The following SEPTIN6 variants were observed in gnomAD, a reference collection of about 807,000 sequenced individuals.
SEPTIN6 encodes the protein septin-6.
SEPTIN6 carries 8 observed loss-of-function variants against 33.6 expected under a neutral mutation model. That is an observed-to-expected ratio of 0.24 (90% CI 0.14 to 0.43). The LOEUF is 0.43. Among genes scored for constraint, SEPTIN6 ranks in the 20% least tolerant of loss-of-function variants. The pLI is 1.00. For missense variants in SEPTIN6, 250 were observed against 340.8 expected (o/e 0.73, Z 2.10); for synonymous variants, 131 against 140.0 (o/e 0.94, Z 0.45).
chrX:119,651,131 C>G (rs1184183015), intron 4 of SEPTIN6, among the ~76,000 whole-genome samples: 2 of 111,068 alleles, frequency 1.8e-5, no homozygotes, highest in African/African-American at 6.5e-5. Flanking sequence ...ACTCAGGCCC[C>G]GGACTCTAAA....
Position 119,619,815 on chromosome X carries a change from G to A in SEPTIN6, c.*278C>T. Reference sequence around the variant, plus strand: ...GTGGGGGAAGACAGGGGGGATGGCTGGGGGTGCTGGGAGGGGGACTGGGAT... The same window carrying A: ...GTGGGGGAAGACAGGGGGGATGGCTAGGGGTGCTGGGAGGGGGACTGGGAT... On this transcript the variant is annotated 3_prime_UTR_variant, in exon 11 of 11. Coordinates refer to ENST00000394610, the MANE Select transcript of SEPTIN6 (RefSeq NM_145799.4). 9.6e-7 allele frequency: 1 copy of A among 1,041,370 alleles called. No individual in the cohort carries two copies. The allele number at this position is 1,041,370 out of a possible 1,213,427, so 85.8% of individuals were successfully genotyped here. A position where few individuals can be genotyped will look rare whatever the true frequency, so the allele number is the denominator to read the frequency against.
intron 7 of SEPTIN6, among the ~76,000 whole-genome samples, chrX:119,636,805 G>A (rs1047977999): frequency 4.4e-4 from 49 of 111,094 alleles, no homozygotes; most frequent in African/African-American, 1.3e-3. Context: ...AAAGCAAGGC[G>A]GCGGTACTTC....
chrX:119,616,778 A>G (rs183794670), downstream of SEPTIN6: 440 of 1,149,868 alleles, frequency 3.8e-4, 2 homozygotes, highest in African/African-American at 6.8e-3. Flanking sequence ...AAAACATGAA[A>G]TTAGCCAAAG....
Position 119,617,404 on chromosome X carries a change from C to CTTTG in SEPTIN6, c.*2688_*2689insCAAA, listed in dbSNP as rs917680246. The CTTTG allele has an allele frequency of 6.2e-6, 5 of 801,753 alleles. No homozygotes were observed. The African/African-American group carries it at 1.1e-4, about 18-fold the overall frequency. 66.1% of individuals were successfully genotyped at this position (801,753 alleles called of 1,213,427 possible). A position where few individuals can be genotyped will look rare whatever the true frequency, so the allele number is the denominator to read the frequency against. On this transcript the variant is annotated 3_prime_UTR_variant, in exon 11 of 11. Transcript: ENST00000394610. ...TTCACTCATGGGTTCGATTTTTGTT[C>CTTTG]ACCAAACTTCCCTGATTATAAGGGT...
At chrX:119,646,863 C>T (rs753934901) in intron 5 of SEPTIN6, 2 of 217,941 alleles carry the variant, frequency 9.2e-6, no homozygotes, top group Admixed American at 4.2e-5. Flanking sequence ...TCATACACCA[C>T]GGCTTGTGTG....
chrX:119,620,787 A>G (rs2053743459), intron 10 of SEPTIN6, among the ~76,000 whole-genome samples: 1 of 108,339 alleles, frequency 9.2e-6, no homozygotes, highest in South Asian at 3.9e-4. Flanking sequence ...CGCTCGGCTA[A>G]TTTTTGTATT....
At chrX:119,693,010 G>A (rs947144473) in intron 1 of SEPTIN6, 66 bp downstream of exon 1, 195 of 1,099,695 alleles carry the variant, frequency 1.8e-4, no homozygotes, top group Admixed American at 5.7e-4. Context: ...TGGCGGCGGC[G>A]GCCAGGTCTC....
intron 5 of SEPTIN6, among the ~76,000 whole-genome samples, chrX:119,647,969 T>TTTTTTTTTTTTTTTTTTTTTTTTTTTGAG (rs2054293290): frequency 9.7e-6 from 1 of 103,142 alleles, no homozygotes; most frequent in African/African-American, 3.9e-5. Flanking sequence ...TAATTTTTTT[T>TTTTTTTTTTTTTTTTTTTTTTTTTTTGAG]AAATTTCAGT....
rs192678957 is a variant in SEPTIN6, at chrX:119,669,348, G to A, written c.146-5671C>T. 7.0e-4 allele frequency among the ~76,000 whole-genome samples: 79 copies of A among 112,968 alleles called. 1 individual carries two copies. Among genetic ancestry groups the A allele is most frequent in the Admixed American group, 1.8e-3 (19 of 10,691 alleles). ...AATGAACAAGATAGCCACAATCCCT[G>A]TTCTTGTGGACCTAAAGTCTCTTCC... is the stretch of plus-strand genomic sequence containing the variant. On this transcript the variant is annotated intron_variant, in intron 2 of 10. Coordinates refer to ENST00000394610, the MANE Select transcript of SEPTIN6 (RefSeq NM_145799.4).
chrX:119,652,329 C>T (rs2054364461), intron 4 of SEPTIN6, among the ~76,000 whole-genome samples: 1 of 111,585 alleles, frequency 9.0e-6, no homozygotes, highest in Admixed American at 9.6e-5. Context: ...AGAATCTGCA[C>T]TCTACCAGTA....
intron 3 of SEPTIN6, among the ~76,000 whole-genome samples, chrX:119,654,491 G>T (rs770449210): frequency 9.0e-6 from 1 of 111,588 alleles, no homozygotes; most frequent in African/African-American, 3.3e-5. Context: ...ACCGCTGCCA[G>T]AAGGGAACAT....
chrX:119,651,083 T>C (rs1012138705), intron 4 of SEPTIN6, among the ~76,000 whole-genome samples: 2 of 107,013 alleles, frequency 1.9e-5, no homozygotes, highest in African/African-American at 6.9e-5. Context: ...TTCCTGCCAG[T>C]AGACTCCAAC....
chrX:119,674,177 T>G (rs1388145451), intron 2 of SEPTIN6, among the ~76,000 whole-genome samples: 1 of 109,515 alleles, frequency 9.1e-6, no homozygotes, highest in Non-Finnish European at 1.9e-5. Context: ...CTAAGAAGAT[T>G]CTTTTTTTTT....
At chrX:119,669,859 G>A (rs2054710865) in intron 2 of SEPTIN6, among the ~76,000 whole-genome samples, 1 of 111,777 alleles carries the variant, frequency 8.9e-6, no homozygotes, top group Non-Finnish European at 1.9e-5. Flanking sequence ...CCTCAATCCT[G>A]CTTCTCTTGT....
chrX:119,657,076 A>G (rs1603341749), intron 3 of SEPTIN6, among the ~76,000 whole-genome samples: 1 of 96,096 alleles, frequency 1.0e-5, no homozygotes, highest in Non-Finnish European at 2.1e-5. Flanking sequence ...AAAATTAGCC[A>G]GGCATGGTGG....
At chrX:119,655,115 C>A (rs1476684855) in intron 3 of SEPTIN6, among the ~76,000 whole-genome samples, 1 of 110,016 alleles carries the variant, frequency 9.1e-6, no homozygotes, top group African/African-American at 3.3e-5. Flanking sequence ...AGCTCCCCCA[C>A]ACACCCCGAA....
Position 119,619,545 on chromosome X carries a change from G to T in SEPTIN6, c.*548C>A. The T allele has an allele frequency of 4.9e-6, 4 of 818,522 alleles. No individual in the cohort carries two copies. Among genetic ancestry groups the T allele is most frequent in the Non-Finnish European group, 5.9e-6 (4 of 679,244 alleles). The allele number at this position is 818,522 out of a possible 1,213,427, so 67.5% of individuals were successfully genotyped here. Reference sequence around the variant, plus strand: ...AGGTTAGAAGGAAAAGGCGCCAAAGGCTGTCCTTTTGAAACCCTCTAAGAA... The same window carrying T: ...AGGTTAGAAGGAAAAGGCGCCAAAGTCTGTCCTTTTGAAACCCTCTAAGAA... On this transcript the variant is annotated 3_prime_UTR_variant, in exon 11 of 11. Coordinates refer to ENST00000394610, the MANE Select transcript of SEPTIN6 (RefSeq NM_145799.4).
intron 2 of SEPTIN6, among the ~76,000 whole-genome samples, chrX:119,670,909 G>A (rs1417390716): frequency 2.2e-4 from 23 of 104,434 alleles, no homozygotes; most frequent in Non-Finnish European, 2.0e-4. Context: ...TCGCACTCCA[G>A]CCTGGGTGAC....
In SEPTIN6 at chrX:119,663,636, A is replaced by G. The variant is rs749788809; in HGVS notation, c.187T>C (p.Phe63Leu). The change falls in exon 3 of 11, where the codon TTC becomes CTC. Residue 63 changes from phenylalanine to leucine, a missense_variant. Phe to Leu is a conservative substitution (Grantham distance 22). Transcript: ENST00000394610. ...LGKSTLMDTL[F>L]NTKFEGEPAT... is the part of the protein sequence containing the mutation. ...GGCTCCCCTTCGAATTTGGTGTTGA[A>G]CAGGGTGTCCATGAGGGTGGACTTG... 6.4e-5 allele frequency: 77 copies of G among 1,208,362 alleles called. No individual in the cohort carries two copies. The highest frequency in any genetic ancestry group is 7.8e-5 in the Non-Finnish European group (70 of 894,634).
Sources: gnomAD v4.1 joint callset for allele counts (sites outside exome capture counted in the v4.1 genomes callset) on GRCh38, gnomAD v4.1.1 for gene constraint, MANE v1.5 for transcripts, NCBI Gene and HGNC (gene_info 2026-07-23, HGNC 2026-07-21) for gene names.